PSMG2: variants seen among roughly 807,000 people sequenced by gnomAD.
The protein encoded by PSMG2 is CD40 ligand-activated specific transcript 3.
Under a neutral mutation model 31.5 loss-of-function variants are expected in PSMG2, and 21 were observed. That is an observed-to-expected ratio of 0.67 (90% CI 0.47 to 0.96). The LOEUF (loss-of-function observed/expected upper bound fraction) is 0.96. Among genes scored for constraint, PSMG2 ranks in the 40% least tolerant of loss-of-function variants. The pLI is 0.00. For missense variants in PSMG2, 318 were observed against 321.2 expected, an observed-to-expected ratio of 0.99 and a Z score of 0.08; for synonymous variants, 120 against 110.4, an observed-to-expected ratio of 1.09 and a Z score of -0.54.
chr18:12,702,379 C>T, upstream of PSMG2: 1 of 833,336 alleles, frequency 1.2e-6, no homozygotes, highest in Non-Finnish European at 2.0e-6. Context: ...CCACAATCCT[C>T]GCTACAGTCC....
chr18:12,699,053 G>C, upstream of PSMG2: 18 of 1,614,094 alleles, frequency 1.1e-5, no homozygotes, highest in Non-Finnish European at 1.5e-5. Flanking sequence ...AACAGGTTTA[G>C]AACGAAAACG....
intron 1 of PSMG2, among the ~76,000 whole-genome samples, chr18:12,683,863 TG>T: frequency 6.6e-6 from 1 of 151,948 alleles, no homozygotes. Flanking sequence ...ATTATAATTA[TG>T]AAATAAATGA....
upstream of PSMG2, chr18:12,700,988 G>A (rs1169842815): frequency 6.2e-6 from 10 of 1,612,804 alleles, no homozygotes; most frequent in Non-Finnish European, 8.5e-6. Context: ...TCATCACATC[G>A]TCAATGATTC....
chr18:12,687,937 A>AT (rs1391718306), intron 1 of PSMG2, among the ~76,000 whole-genome samples: 2 of 151,792 alleles, frequency 1.3e-5, no homozygotes, highest in African/African-American at 4.8e-5. Flanking sequence ...GATTTACAAC[A>AT]TTTTCTTAAA....
At chr18:12,706,113 C>G (rs1280358474) in intron 1 of PSMG2, among the ~76,000 whole-genome samples, 2 of 152,216 alleles carry the variant, frequency 1.3e-5, no homozygotes, top group East Asian at 1.9e-4. Flanking sequence ...AAATCAATAT[C>G]TAGCTATGAT....
At chr18:12,695,275 A>T (rs987192654) in intron 1 of PSMG2, 12 of 1,544,132 alleles carry the variant, frequency 7.8e-6, no homozygotes, top group Non-Finnish European at 1.1e-5. Flanking sequence ...CTACTTCTTG[A>T]GATAACGTTT....
At chr18:12,706,773 A>G (rs1378648461) in intron 2 of PSMG2, 52 bp downstream of exon 2, 8 of 1,512,108 alleles carry the variant, frequency 5.3e-6, no homozygotes, top group Non-Finnish European at 7.1e-6. Flanking sequence ...AGTTGTTTTA[A>G]ATTAGAAATA....
intron 1 of PSMG2, chr18:12,673,607 T>TG: frequency 1.1e-6 from 1 of 871,386 alleles, no homozygotes; most frequent in Admixed American, 3.5e-5. Context: ...AGGCTAGGCG[T>TG]GGTGGCTCAT....
intron 4 of PSMG2, among the ~76,000 whole-genome samples, chr18:12,719,191 G>T (rs1199120406): frequency 6.6e-6 from 1 of 151,442 alleles, no homozygotes; most frequent in Admixed American, 6.6e-5. Flanking sequence ...GATTGCATGT[G>T]TGAGCCCCCC....
intron 6 of PSMG2, 144 bp from the exon 7 acceptor site, chr18:12,725,295 G>C: frequency 1.8e-6 from 1 of 555,442 alleles, no homozygotes; most frequent in South Asian, 3.5e-5. Flanking sequence ...TGAAGACAAA[G>C]AAACTTTATT....
intron 1 of PSMG2, among the ~76,000 whole-genome samples, chr18:12,675,823 C>A (rs2039108042): frequency 6.6e-6 from 1 of 151,994 alleles, no homozygotes; most frequent in Non-Finnish European, 1.5e-5. Flanking sequence ...CACCTGCCAC[C>A]ATGCCCGGCT....
upstream of PSMG2, chr18:12,703,030 T>C: frequency 6.6e-7 from 1 of 1,519,168 alleles, no homozygotes; most frequent in Non-Finnish European, 8.9e-7. Flanking sequence ...GGCTCCGGGG[T>C]CTCGGGCTTC....
At chr18:12,669,389 G>A (rs2038883027) in intron 1 of PSMG2, among the ~76,000 whole-genome samples, 1 of 152,024 alleles carries the variant, frequency 6.6e-6, no homozygotes, top group Non-Finnish European at 1.5e-5. Context: ...TGGGATTACA[G>A]GCATGAGCCA....
At chr18:12,700,723 C>A (rs762485755), upstream of PSMG2, among the ~76,000 whole-genome samples, 10 of 152,108 alleles carry the variant, frequency 6.6e-5, no homozygotes, top group Non-Finnish European at 1.3e-4. Context: ...AGAGAAAATT[C>A]TGTCACTGTA....
intron 1 of PSMG2, among the ~76,000 whole-genome samples, chr18:12,666,592 C>T (rs2038808368): frequency 6.6e-6 from 1 of 151,776 alleles, no homozygotes; most frequent in Non-Finnish European, 1.5e-5. Context: ...GGTGCACGCA[C>T]CATGCCTGGT....
chr18:12,724,495 G>T lies in PSMG2; in HGVS notation c.582-4G>T, dbSNP rs762638670. The T allele has an allele frequency of 6.3e-7, 1 of 1,592,324 alleles. No homozygotes were observed. Among genetic ancestry groups the T allele is most frequent in the Middle Eastern group, 1.7e-4 (1 of 5,950 alleles). On this transcript the variant is annotated splice_region_variant and splice_polypyrimidine_tract_variant and intron_variant, in intron 5 of 6. Coordinates refer to ENST00000317615, the MANE Select transcript of PSMG2 (RefSeq NM_020232.5). ...ATACTGATTCTTATTTTTATTTCTT[G>T]TAGCTGTTCTAAAGAAATCCAAATG...
intron 5 of PSMG2, among the ~76,000 whole-genome samples, chr18:12,721,426 T>G (rs2040429674): frequency 6.6e-6 from 1 of 152,176 alleles, no homozygotes. Context: ...TTAACTATAT[T>G]TAAGCGTACA....
At chr18:12,679,103 C>CT (rs1049832156) in intron 1 of PSMG2, 1 of 151,894 alleles carries the variant, frequency 6.6e-6, no homozygotes, top group African/African-American at 2.4e-5. Flanking sequence ...GGCTGGGCCT[C>CT]TAGAACACAC....
chr18:12,659,255 G>A (rs1413797909), intron 1 of PSMG2, among the ~76,000 whole-genome samples: 1 of 132,826 alleles, frequency 7.5e-6, no homozygotes, highest in East Asian at 2.1e-4. Context: ...TGCATCTTGC[G>A]GTAGAAACTA....
Sources: gnomAD v4.1 joint callset for allele counts (sites outside exome capture counted in the v4.1 genomes callset) on GRCh38, gnomAD v4.1.1 for gene constraint, MANE v1.5 for transcripts, NCBI Gene and HGNC (gene_info 2026-07-23, HGNC 2026-07-21) for gene names.